The following NCKAP5 variants were observed in gnomAD, a reference collection of about 807,000 sequenced individuals.
The protein encoded by NCKAP5 is NCK associated protein 5, also known as nck-associated protein 5.
In NCKAP5, 92 loss-of-function variants were observed where a neutral mutation model predicts 167.0. The ratio of observed to expected loss-of-function variants is 0.55; its 90% CI spans 0.47 to 0.66. NCKAP5 has a LOEUF of 0.66. Ranked by LOEUF, NCKAP5 falls within the 30% of genes least tolerant of loss-of-function variation. The pLI is 0.00. For missense variants in NCKAP5, 2,378 were observed against 2,315.0 expected, an observed-to-expected ratio of 1.03 and a Z score of -0.56; for synonymous variants, 891 against 877.4, an observed-to-expected ratio of 1.02 and a Z score of -0.27.
rs116732206 is a variant in NCKAP5, at chr2:132,731,761, G to A, written c.5419C>T (p.Arg1807Cys). ...TARGMRPLQS[R>C]LPKPASSGKV... ...CCTGAGGAAGCTGGTTTGGGGAGGC[G>A]GCTCTGAAGAGGCCTCATCCCTCTG... Residue 1807 changes from arginine (R) to cysteine (C), a missense_variant, in exon 17 of 20, where the codon CGC becomes TGC. By Grantham distance (180) the Arg-to-Cys change is radical (BLOSUM62 -3). This residue lies in a region of NCKAP5 where 1,325 missense variants were observed against 1,274.5 expected (regional missense o/e 1.04). Coordinates refer to ENST00000409261, the MANE Select transcript of NCKAP5 (RefSeq NM_207363.3). 4.0e-3 allele frequency: 6,335 copies of A among 1,594,324 alleles called. 184 individuals are homozygous for A. The African/African-American group carries it at 0.075, about 19-fold the overall frequency.
chr2:132,953,093 A>G (rs1016635299), intron 8 of NCKAP5, among the ~76,000 whole-genome samples: 1 of 152,198 alleles, frequency 6.6e-6, no homozygotes, highest in Non-Finnish European at 1.5e-5. Context: ...CTATCTATCC[A>G]AAGAGTGTGA....
At chr2:132,977,832 GAA>G (rs2077020024) in intron 7 of NCKAP5, among the ~76,000 whole-genome samples, 1 of 122,270 alleles carries the variant, frequency 8.2e-6, no homozygotes, top group Admixed American at 8.7e-5. Flanking sequence ...GATTTGTACT[GAA>G]GACATTTTTG....
intron 5 of NCKAP5, among the ~76,000 whole-genome samples, chr2:133,201,695 G>A (rs2085696012): frequency 6.6e-6 from 1 of 152,088 alleles, no homozygotes; most frequent in South Asian, 2.1e-4. Flanking sequence ...CCACATGTAA[G>A]TTTTACGACA....
chr2:133,633,595 G>A, the NCKAP5 span, among the ~76,000 whole-genome samples: 27 of 152,214 alleles, frequency 1.8e-4, no homozygotes, highest in African/African-American at 6.3e-4. Flanking sequence ...TAGCCTTCAT[G>A]AAGCGGTTAA....
rs913951379 is a variant in NCKAP5 at position 132,795,455 on chromosome 2, G to A, written c.909+1173C>T. Reference sequence around the variant, plus strand: ...TTTATTTTAGATTACTACCCTGAATGATTCATATACTTTAAACATTCTTAC... The same window carrying A: ...TTTATTTTAGATTACTACCCTGAATAATTCATATACTTTAAACATTCTTAC... On this transcript the variant is annotated intron_variant, in intron 12 of 19. Transcript: ENST00000409261. Among the ~76,000 whole-genome samples, 8 of 152,192 alleles carry A rather than the reference G, an allele frequency of 5.3e-5. No homozygotes were observed. The South Asian group carries it at 1.2e-3, about 24-fold the overall frequency.
chr2:133,295,871 T>A (rs1452967860), intron 4 of NCKAP5, among the ~76,000 whole-genome samples: 1 of 152,196 alleles, frequency 6.6e-6, no homozygotes, highest in Non-Finnish European at 1.5e-5. Context: ...ATTTTGTCAT[T>A]TGATTTTGAT....
At chr2:133,634,561 C>A in the NCKAP5 span, among the ~76,000 whole-genome samples, 1 of 152,140 alleles carries the variant, frequency 6.6e-6, no homozygotes, top group Non-Finnish European at 1.5e-5. Context: ...TTAAAATTTG[C>A]AAGCTAGGGT....
intron 11 of NCKAP5, among the ~76,000 whole-genome samples, chr2:132,829,872 G>A (rs887047847): frequency 1.3e-5 from 2 of 152,140 alleles, no homozygotes; most frequent in East Asian, 3.9e-4. Context: ...GACTTCAATA[G>A]GATACATACA....
intron 11 of NCKAP5, among the ~76,000 whole-genome samples, chr2:132,819,591 G>A (rs1686553853): frequency 1.3e-5 from 2 of 152,096 alleles, no homozygotes; most frequent in Non-Finnish European, 2.9e-5. Context: ...AAAGCAAAGA[G>A]CTGTCCTTCT....
At chr2:132,830,363 G>A (rs1687430739) in intron 11 of NCKAP5, among the ~76,000 whole-genome samples, 1 of 151,976 alleles carries the variant, frequency 6.6e-6, no homozygotes, top group Non-Finnish European at 1.5e-5. Flanking sequence ...GGTGTTTCTG[G>A]TGATTATGCT....
At chr2:133,464,001 T>C (rs1692368700) in intron 3 of NCKAP5, among the ~76,000 whole-genome samples, 1 of 152,148 alleles carries the variant, frequency 6.6e-6, no homozygotes, top group Non-Finnish European at 1.5e-5. Context: ...GGACCAAGCT[T>C]GGGGATTTCA....
At chr2:132,852,412 C>T (rs574064715) in intron 11 of NCKAP5, among the ~76,000 whole-genome samples, 11 of 152,300 alleles carry the variant, frequency 7.2e-5, no homozygotes, top group Admixed American at 7.2e-4. Context: ...ACACAGAGGG[C>T]TCTTCACTTT....
chr2:133,406,619 A>AGGGC, intron 3 of NCKAP5, among the ~76,000 whole-genome samples: 1 of 151,892 alleles, frequency 6.6e-6, no homozygotes. Context: ...GGAGGGAGGG[A>AGGGC]AAATAACAAC....
intron 16 of NCKAP5, among the ~76,000 whole-genome samples, chr2:132,760,351 C>T (rs569179836): frequency 3.4e-4 from 52 of 152,158 alleles, no homozygotes; most frequent in African/African-American, 1.2e-3. Context: ...AGCATAGTTT[C>T]ACTGAGTATT....
intron 3 of NCKAP5, among the ~76,000 whole-genome samples, chr2:133,393,473 A>T (rs1003938318): frequency 6.6e-6 from 1 of 152,250 alleles, no homozygotes; most frequent in African/African-American, 2.4e-5. Flanking sequence ...TTAATAAAAA[A>T]TTCTTGCAGT....
intron 5 of NCKAP5, among the ~76,000 whole-genome samples, chr2:133,146,922 T>G (rs2083217900): frequency 6.6e-6 from 1 of 152,166 alleles, no homozygotes; most frequent in Admixed American, 6.6e-5. Flanking sequence ...CATTTAAACC[T>G]TGCATGTATA....
chr2:132,921,769 T>G (rs1226387925), intron 8 of NCKAP5, among the ~76,000 whole-genome samples: 1 of 152,180 alleles, frequency 6.6e-6, no homozygotes, highest in Non-Finnish European at 1.5e-5. Flanking sequence ...TACAAGTCAC[T>G]GTTCCTGTGA....
intron 2 of NCKAP5, among the ~76,000 whole-genome samples, chr2:133,552,783 C>T (rs909210922): frequency 8.6e-5 from 13 of 150,366 alleles, no homozygotes; most frequent in South Asian, 8.5e-4. Context: ...GATTGAGAAG[C>T]GGGTGGGGCA....
Position 132,785,136 on chromosome 2 carries a change from C to T in NCKAP5, c.1675G>A (p.Val559Ile). ...CCCTGTGGGCCCCTCTCCCTCTGTA[C>T]CTGAGGCGTCTGCACACTTGGGCAC... ...KLCPSVQTPQ[V>I]QRERGPQGQG... Residue 559 changes from valine (V) to isoleucine (I), a missense_variant, in exon 14 of 20, where the codon GTA becomes ATA. Physicochemically the swap from Val to Ile is conservative, Grantham distance 29 (BLOSUM62 3). Around this residue, in one of 3 missense-constraint regions of NCKAP5, gnomAD observed 1,049 missense variants for 1,023.4 expected, o/e 1.02. Coordinates refer to ENST00000409261, the MANE Select transcript of NCKAP5 (RefSeq NM_207363.3). 2 of 1,611,876 alleles carry T rather than the reference C, an allele frequency of 1.2e-6. No individual in the cohort carries two copies. The highest frequency in any genetic ancestry group is 1.7e-6 in the Non-Finnish European group (2 of 1,179,174).
Sources: allele counts gnomAD v4.1 joint callset (sites outside exome capture counted in the v4.1 genomes callset), GRCh38; gene constraint gnomAD v4.1.1; regional missense constraint gnomAD v4.1.1; transcripts MANE v1.5; gene names NCBI Gene and HGNC (gene_info 2026-07-23, HGNC 2026-07-21).